SLC10A7: variants seen among roughly 807,000 people sequenced by gnomAD.
SLC10A7 encodes solute carrier family 10 member 7.
SLC10A7 carries 29 observed loss-of-function variants against 43.2 expected under a neutral mutation model. The ratio of observed to expected loss-of-function variants is 0.67; its 90% CI spans 0.50 to 0.92. The LOEUF (loss-of-function observed/expected upper bound fraction) is 0.92. SLC10A7 is among the 40% of genes least tolerant of loss of function. The probability of loss-of-function intolerance (pLI) is 0.00; values close to 1 mark genes in which losing one functional copy is unlikely to be tolerated. For missense variants in SLC10A7, 295 were observed against 403.2 expected (o/e 0.73, Z 2.30); for synonymous variants, 152 against 144.8 (o/e 1.05, Z -0.35).
chr4:146,384,788 A>G (rs1197463065), intron 5 of SLC10A7, among the ~76,000 whole-genome samples: 3 of 152,140 alleles, frequency 2.0e-5, no homozygotes, highest in Non-Finnish European at 4.4e-5. Flanking sequence ...CTAGGTCATG[A>G]AGGAAAACAT....
chr4:146,385,617 T>A (rs1486659728), intron 5 of SLC10A7, among the ~76,000 whole-genome samples: 1 of 152,278 alleles, frequency 6.6e-6, no homozygotes, highest in South Asian at 2.1e-4. Context: ...TAACTTTTAT[T>A]TTAGATGCAA....
At chr4:146,432,366 C>G (rs1011523075) in intron 5 of SLC10A7, among the ~76,000 whole-genome samples, 1 of 152,148 alleles carries the variant, frequency 6.6e-6, no homozygotes, top group Non-Finnish European at 1.5e-5. Context: ...ATCCAGGAAA[C>G]AACCAGTTCA....
intron 10 of SLC10A7, among the ~76,000 whole-genome samples, chr4:146,275,165 A>C (rs1027323481): frequency 1.3e-5 from 2 of 152,188 alleles, no homozygotes; most frequent in African/African-American, 4.8e-5. Context: ...AGTAGGCTTG[A>C]GCAAATCTGT....
At chr4:146,310,628 A>C (rs1731909591) in intron 6 of SLC10A7, among the ~76,000 whole-genome samples, 1 of 151,990 alleles carries the variant, frequency 6.6e-6, no homozygotes, top group Non-Finnish European at 1.5e-5. Flanking sequence ...TCTTCTTTTG[A>C]GAAGCAGACA....
chr4:146,434,100 T>C (rs1205034373), intron 5 of SLC10A7, among the ~76,000 whole-genome samples: 1 of 151,934 alleles, frequency 6.6e-6, no homozygotes, highest in Non-Finnish European at 1.5e-5. Flanking sequence ...AATCAAGTTA[T>C]CAGAGTAGAA....
intron 4 of SLC10A7, among the ~76,000 whole-genome samples, chr4:146,462,421 T>G (rs1380973190): frequency 2.0e-5 from 3 of 152,094 alleles, no homozygotes; most frequent in Non-Finnish European, 4.4e-5. Context: ...AGCAGCCCAG[T>G]GTGGGAAGTG....
At chr4:146,507,428 C>T (rs573881506) in intron 3 of SLC10A7, among the ~76,000 whole-genome samples, 2 of 152,112 alleles carry the variant, frequency 1.3e-5, no homozygotes, top group African/African-American at 2.4e-5. Flanking sequence ...GGCATGGTGG[C>T]GGGCACCTGT....
chr4:146,401,418 C>T (rs1739216636), intron 5 of SLC10A7, among the ~76,000 whole-genome samples: 1 of 152,156 alleles, frequency 6.6e-6, no homozygotes, highest in African/African-American at 2.4e-5. Context: ...AAGGGGCAAA[C>T]ACACAGCCCT....
At chr4:146,325,591 C>G (rs889418298) in intron 6 of SLC10A7, among the ~76,000 whole-genome samples, 1 of 152,170 alleles carries the variant, frequency 6.6e-6, no homozygotes, top group African/African-American at 2.4e-5. Flanking sequence ...CCTCTGATCC[C>G]TGGTCCTAGG....
intron 5 of SLC10A7, among the ~76,000 whole-genome samples, chr4:146,327,204 A>T (rs1733193413): frequency 6.6e-6 from 1 of 152,222 alleles, no homozygotes; most frequent in Non-Finnish European, 1.5e-5. Context: ...GGGCATATAC[A>T]CATGTGAATA....
intron 7 of SLC10A7, among the ~76,000 whole-genome samples, chr4:146,296,981 C>A (rs1730829482): frequency 6.6e-6 from 1 of 152,098 alleles, no homozygotes; most frequent in African/African-American, 2.4e-5. Context: ...TCTTTAATAA[C>A]CTTATATGAA....
At chr4:146,452,273 T>C (rs1731666939) in intron 4 of SLC10A7, among the ~76,000 whole-genome samples, 1 of 152,062 alleles carries the variant, frequency 6.6e-6, no homozygotes, top group Non-Finnish European at 1.5e-5. Flanking sequence ...CAAAGCTAAA[T>C]TGCCTTACCC....
At position 146,384,713 on chromosome 4, in the gene SLC10A7, G is replaced by A. The variant is rs569477768; in HGVS notation, c.435+58070C>T. Among the ~76,000 whole-genome samples the A allele has an allele frequency of 6.6e-5, 10 of 151,968 alleles. No individual in the cohort carries two copies. The South Asian group carries it at 1.0e-3, about 16-fold the overall frequency. On this transcript the variant is annotated intron_variant, in intron 5 of 11. Coordinates refer to ENST00000335472, the MANE Select transcript of SLC10A7 (RefSeq NM_001029998.6). ...ATACTTGATATGATTTAGATGTTTT[G>A]TCCCCTCCAAATCTTATGTTAAAAT...
At chr4:146,507,737 A>G (rs1737056148) in intron 3 of SLC10A7, among the ~76,000 whole-genome samples, 1 of 152,188 alleles carries the variant, frequency 6.6e-6, no homozygotes, top group Non-Finnish European at 1.5e-5. Flanking sequence ...TATGCAAGGT[A>G]AGGAGCATGT....
At chr4:146,442,121 T>C in intron 5 of SLC10A7, 1 of 972,800 alleles carries the variant, frequency 1.0e-6, no homozygotes, top group South Asian at 4.8e-5. Context: ...TTCTCAATCT[T>C]TCATAACACA....
At chr4:146,433,484 C>G (rs1010672092) in intron 5 of SLC10A7, among the ~76,000 whole-genome samples, 2 of 151,986 alleles carry the variant, frequency 1.3e-5, no homozygotes, top group Non-Finnish European at 2.9e-5. Flanking sequence ...GATAAAATAT[C>G]AGTTTGCTAA....
At chr4:146,376,479 C>T (rs1737209169) in intron 5 of SLC10A7, among the ~76,000 whole-genome samples, 2 of 152,060 alleles carry the variant, frequency 1.3e-5, no homozygotes, top group South Asian at 4.2e-4. Context: ...CCCCAAACCC[C>T]ACTGGCACAG....
At chr4:146,447,519 T>C (rs990478237) in intron 4 of SLC10A7, among the ~76,000 whole-genome samples, 1 of 152,182 alleles carries the variant, frequency 6.6e-6, no homozygotes, top group Non-Finnish European at 1.5e-5. Flanking sequence ...GTCTAATTCA[T>C]TGAAAGAAAC....
At chr4:146,472,299 C>T (rs928369956) in intron 4 of SLC10A7, among the ~76,000 whole-genome samples, 1 of 152,082 alleles carries the variant, frequency 6.6e-6, no homozygotes, top group Non-Finnish European at 1.5e-5. Context: ...AAAACAAACC[C>T]AGAAATTAAT....
Sources: allele counts gnomAD v4.1 joint callset (sites outside exome capture counted in the v4.1 genomes callset), GRCh38; gene constraint gnomAD v4.1.1; transcripts MANE v1.5; gene names NCBI Gene and HGNC (gene_info 2026-07-23, HGNC 2026-07-21).